The following TATDN2 variants were observed in gnomAD, a reference collection of about 807,000 sequenced individuals.
TATDN2 encodes the protein 3'-5' RNA nuclease TATDN2.
Under a neutral mutation model 60.3 loss-of-function variants are expected in TATDN2, and 44 were observed. The observed-to-expected ratio is 0.73, with a 90% CI of 0.57 to 0.94. The LOEUF (loss-of-function observed/expected upper bound fraction) is 0.94, where lower values mean the gene tolerates loss of function less well. Among genes scored for constraint, TATDN2 ranks in the 40% least tolerant of loss-of-function variants. The pLI is 0.00. For synonymous variants in TATDN2, 399 were observed against 355.8 expected (o/e 1.12, Z -1.37); for missense variants, 997 against 948.0 (o/e 1.05, Z -0.68).
chr3:10,278,590 G>T lies in TATDN2; in HGVS notation c.2145+128G>T, dbSNP rs1698672584. 9 of 1,294,160 alleles carry T rather than the reference G, an allele frequency of 7.0e-6. No homozygotes were observed. The highest frequency in any genetic ancestry group is 2.4e-5 in the South Asian group (2 of 83,800). The allele number at this position is 1,294,160 out of a possible 1,614,324, so 80.2% of individuals were successfully genotyped here. On this transcript the variant is annotated intron_variant, in intron 6 of 7. Transcript: ENST00000448281. The surrounding 1 kb of genome is among the most constrained non-coding windows in gnomAD (Gnocchi z 4.7). ...AGGTCCCATCCTGGGCTGTGTAGAT[G>T]CCTCCTTGCTGTTACTCTGCAGAAC...
chr3:10,254,478 G>A (rs11919913), intron 2 of TATDN2, among the ~76,000 whole-genome samples: 3,568 of 152,296 alleles, frequency 0.023, 101 homozygotes, highest in African/African-American at 0.065. Context: ...GGACACTTGC[G>A]TGTTTGGAGG....
At position 10,270,590 on chromosome 3, in the gene TATDN2, C is replaced by G; in HGVS notation, c.1408C>G (p.Pro470Ala). 2 of 1,614,220 alleles carry G rather than the reference C, an allele frequency of 1.2e-6. No homozygotes were observed. Among genetic ancestry groups the G allele is most frequent in the Non-Finnish European group, 1.7e-6 (2 of 1,180,036 alleles). ...KEKRTFQEEM[P>A]PRPCGGHASS... is the part of the protein sequence containing the mutation. ...GAAAAGAACATTCCAAGAGGAGATG[C>G]CTCCGCGTCCTTGTGGAGGACACGC... Residue 470 changes from proline (P) to alanine (A), a missense_variant, in exon 4 of 8, where the codon CCT becomes GCT. By Grantham distance (27) the Pro-to-Ala change is conservative. Transcript: ENST00000448281.
intron 2 of TATDN2, among the ~76,000 whole-genome samples, chr3:10,254,463 T>C (rs1484950158): frequency 3.3e-5 from 5 of 152,208 alleles, no homozygotes. Context: ...TCTCCTGCGT[T>C]CCCTGGACAC....
chr3:10,259,256 C>T (rs1215891781), intron 2 of TATDN2, among the ~76,000 whole-genome samples: 3 of 152,132 alleles, frequency 2.0e-5, no homozygotes, highest in East Asian at 3.9e-4. Flanking sequence ...CTCGGCTTCC[C>T]AAAGTGCTGG....
rs1698694762 is a variant in TATDN2, at chr3:10,279,480, G to A, written c.*298G>A. 1 of 170,154 alleles carries A rather than the reference G, an allele frequency of 5.9e-6. No homozygotes were observed. The highest frequency in any genetic ancestry group is 1.3e-5 in the Non-Finnish European group (1 of 78,826). The allele number at this position is 170,154 out of a possible 1,614,324, so 10.5% of individuals were successfully genotyped here. A position where few individuals can be genotyped will look rare whatever the true frequency, so the allele number is the denominator to read the frequency against. On this transcript the variant is annotated 3_prime_UTR_variant, in exon 8 of 8. Coordinates refer to ENST00000448281, the MANE Select transcript of TATDN2 (RefSeq NM_014760.4). ...GTAGGCAGCAAAGAAGAAAGAGTGC[G>A]ATATGAGGGTACAGTGAGTTTGGCA...
intron 3 of TATDN2, among the ~76,000 whole-genome samples, chr3:10,269,042 G>C (rs568922677): frequency 6.6e-6 from 1 of 152,354 alleles, no homozygotes; most frequent in East Asian, 1.9e-4. Flanking sequence ...GGCGAGGGCT[G>C]TCGTCATCTG....
At chr3:10,258,051 G>A (rs996685574) in intron 2 of TATDN2, among the ~76,000 whole-genome samples, 10 of 149,080 alleles carry the variant, frequency 6.7e-5, no homozygotes, top group African/African-American at 9.9e-5. Context: ...TAGTAGAGAC[G>A]GGGTTTCACT....
intron 2 of TATDN2, among the ~76,000 whole-genome samples, chr3:10,257,596 CCAAAAAAAAAAAAAA>C (rs1364809948): frequency 1.9e-5 from 2 of 105,172 alleles, no homozygotes; most frequent in African/African-American, 3.9e-5. Context: ...ACCACTGTCT[CCAAAAAAAAAAAAAA>C]CAAAAAAAAA....
intron 4 of TATDN2, among the ~76,000 whole-genome samples, chr3:10,274,772 G>A (rs1371205266): frequency 2.6e-5 from 4 of 152,144 alleles, no homozygotes; most frequent in Admixed American, 6.5e-5. Flanking sequence ...TTAAACAAAA[G>A]TTACATCAGA....
chr3:10,255,017 C>T (rs1698286763), intron 2 of TATDN2, among the ~76,000 whole-genome samples: 1 of 132,406 alleles, frequency 7.6e-6, no homozygotes, highest in African/African-American at 3.1e-5. Flanking sequence ...TTCCCACTCC[C>T]CCTCCCCCTC....
rs553265148 is a variant in TATDN2 at position 10,257,841 on chromosome 3, A to ATTTTTTTTTTTT, written c.415-2272_415-2261dup. On this transcript the variant is annotated intron_variant, in intron 2 of 7. Coordinates refer to ENST00000448281, the MANE Select transcript of TATDN2 (RefSeq NM_014760.4). ...AAGTATAGATTTCTAAAGGTTTATG[A>ATTTTTTTTTTTT]TTTTTTTTTTTTTTTTTTTTTTTTT... Among the ~76,000 whole-genome samples the ATTTTTTTTTTTT allele has an allele frequency of 3.4e-3, 104 of 30,300 alleles. 12 individuals are homozygous for ATTTTTTTTTTTT. The highest frequency in any genetic ancestry group is 0.025 in the Middle Eastern group (1 of 40). The allele number at this position is 30,300 out of a possible 152,430, so 19.9% of individuals were successfully genotyped here.
chr3:10,279,133 A>G lies in TATDN2; in HGVS notation c.*38+70A>G, dbSNP rs1033779401. The G allele has an allele frequency of 1.2e-5, 17 of 1,411,904 alleles. No homozygotes were observed. The South Asian group carries it at 2.2e-4, about 18-fold the overall frequency. The allele number at this position is 1,411,904 out of a possible 1,614,324, so 87.5% of individuals were successfully genotyped here. A position where few individuals can be genotyped will look rare whatever the true frequency, so the allele number is the denominator to read the frequency against. On this transcript the variant is annotated intron_variant, in intron 7 of 7. Transcript: ENST00000448281. ...CTTTTGTTGCATTTTGTTAATGTAA[A>G]GAATATAAACATAGTATGAGCATTA... is the stretch of plus-strand genomic sequence containing the variant.
At position 10,270,911 on chromosome 3, in the gene TATDN2, A is replaced by G. The variant is rs1202324441; in HGVS notation, c.1729A>G (p.Arg577Gly). 1.2e-6 allele frequency: 2 copies of G among 1,614,210 alleles called. No homozygotes were observed. Among genetic ancestry groups the G allele is most frequent in the East Asian group, 2.2e-5 (1 of 44,892 alleles). Reference protein sequence around the residue: ...FARYYSESQERNLLQALRHPK... With the variant: ...FARYYSESQEGNLLQALRHPK... Reference sequence around the variant, plus strand: ...ACGTTACTACAGTGAGAGTCAAGAAAGAAATCTTTTGCAAGCCTTAAGGCA... The same window carrying G: ...ACGTTACTACAGTGAGAGTCAAGAAGGAAATCTTTTGCAAGCCTTAAGGCA... The change falls in exon 4 of 8, where the codon AGA (arginine) becomes GGA (glycine). Residue 577 changes from arginine to glycine, a missense_variant. Physicochemically the swap from Arg to Gly is moderately radical, Grantham distance 125 (BLOSUM62 -2). Coordinates refer to ENST00000448281, the MANE Select transcript of TATDN2 (RefSeq NM_014760.4).
rs1281834197 is a variant in TATDN2, at chr3:10,260,561, A to C, written c.839A>C (p.Gln280Pro). The change falls in exon 3 of 8, where the codon CAA becomes CCA. Residue 280 changes from glutamine (Q) to proline (P), a missense_variant. Transcript: ENST00000448281. ...FYDRRVVIDP[Q>P]EKPSEEPLGD... is the part of the protein sequence containing the mutation. ...GACAGGAGAGTAGTTATAGACCCTC[A>C]AGAGAAACCCAGTGAGGAGCCCCTT... is the stretch of plus-strand genomic sequence containing the variant. The C allele has an allele frequency of 3.1e-6, 5 of 1,614,060 alleles. No individual in the cohort carries two copies. In the South Asian group the frequency reaches 4.4e-5, roughly 14 times the overall value.
Position 10,258,547 on chromosome 3 carries a change from T to C in TATDN2, c.415-1590T>C, listed in dbSNP as rs564099408. 7.9e-5 allele frequency among the ~76,000 whole-genome samples: 12 copies of C among 152,080 alleles called. No homozygotes were observed. The South Asian group carries it at 2.5e-3, about 32-fold the overall frequency. ...GGGCAGTGGCACGATCTTGCCTCAC[T>C]GCAACCTCTGCCTTCCGATTCAAGC... On this transcript the variant is annotated intron_variant, in intron 2 of 7. Coordinates refer to ENST00000448281, the MANE Select transcript of TATDN2 (RefSeq NM_014760.4).
At chr3:10,276,631 C>T in intron 5 of TATDN2, 143 bp downstream of exon 5, 1 of 1,231,654 alleles carries the variant, frequency 8.1e-7, no homozygotes. Context: ...CCCTGTCGCC[C>T]AGGCTGGAGT....
Position 10,280,414 on chromosome 3 carries a change from C to T in TATDN2, c.*1232C>T, listed in dbSNP as rs1477078922. 1 of 153,702 alleles carries T rather than the reference C, an allele frequency of 6.5e-6. No individual in the cohort carries two copies. The highest frequency in any genetic ancestry group is 1.5e-5 in the Non-Finnish European group (1 of 68,044). The allele number at this position is 153,702 out of a possible 1,614,324, so 9.5% of individuals were successfully genotyped here. A position where few individuals can be genotyped will look rare whatever the true frequency, so the allele number is the denominator to read the frequency against. On this transcript the variant is annotated 3_prime_UTR_variant, in exon 8 of 8. Transcript: ENST00000448281. ...TGTAAAGGTATACTCGTTACAGGCC[C>T]TAGAGGTTCTAATGGTCCAGGGTTA...
chr3:10,260,623 C>T lies in TATDN2; in HGVS notation c.901C>T (p.Pro301Ser). The T allele has an allele frequency of 6.2e-7, 1 of 1,614,170 alleles. No homozygotes were observed. Among genetic ancestry groups the T allele is most frequent in the Non-Finnish European group, 8.5e-7 (1 of 1,180,020 alleles). ...RRTVIDKCSP[P>S]LEFLDDSDSH... ...GACTGTCATTGACAAATGCTCTCCACCCCTAGAGTTCTTGGATGACTCTGA... is the reference window on the plus strand; with the variant it reads ...GACTGTCATTGACAAATGCTCTCCATCCCTAGAGTTCTTGGATGACTCTGA... Residue 301 changes from proline to serine, a missense_variant, in exon 3 of 8, where the codon CCC (proline) becomes TCC (serine). Transcript: ENST00000448281.
chr3:10,268,319 G>T (rs1005883544), intron 3 of TATDN2, among the ~76,000 whole-genome samples: 4 of 152,196 alleles, frequency 2.6e-5, no homozygotes, highest in African/African-American at 7.2e-5. Flanking sequence ...TGAAATATTA[G>T]TACAGCCAAC....
Sources: gnomAD v4.1 joint callset for allele counts (sites outside exome capture counted in the v4.1 genomes callset) on GRCh38, gnomAD v4.1.1 for gene constraint, Gnocchi (gnomAD v3.1) non-coding constraint, MANE v1.5 for transcripts, NCBI Gene and HGNC (gene_info 2026-07-23, HGNC 2026-07-21) for gene names.